AGMO: variants seen among roughly 807,000 people sequenced by gnomAD.
AGMO encodes the protein glyceryl-ether monooxygenase.
Under a neutral mutation model 60.2 loss-of-function variants are expected in AGMO, and 75 were observed. The ratio of observed to expected loss-of-function variants is 1.25; its 90% CI spans 1.03 to 1.51. AGMO has a LOEUF of 1.51. Among genes scored for constraint, AGMO ranks in the 40% most tolerant of loss-of-function variants. The pLI, the probability that AGMO is intolerant of heterozygous loss-of-function variation, is 0.00. For synonymous variants in AGMO, 261 were observed against 177.1 expected (o/e 1.47, Z -3.76); for missense variants, 763 against 525.5 (o/e 1.45, Z -4.42).
At chr7:15,266,716 T>C (rs75722224) in intron 12 of AGMO, among the ~76,000 whole-genome samples, 2 of 151,858 alleles carry the variant, frequency 1.3e-5, no homozygotes, top group East Asian at 3.9e-4. Context: ...CTCACTGATA[T>C]AAACATTACA....
the AGMO span, among the ~76,000 whole-genome samples, chr7:15,183,710 G>A: frequency 2.0e-5 from 3 of 152,182 alleles, no homozygotes; most frequent in Non-Finnish European, 4.4e-5. Context: ...GATTCAATGA[G>A]TTAAGACACA....
chr7:15,553,160 G>A (rs1307631397), intron 2 of AGMO, among the ~76,000 whole-genome samples: 1 of 150,742 alleles, frequency 6.6e-6, no homozygotes, highest in East Asian at 2.0e-4. Context: ...ATCACACTCT[G>A]GGGACTGTTG....
chr7:15,382,810 T>TA (rs1311042004), intron 10 of AGMO, among the ~76,000 whole-genome samples: 1 of 151,960 alleles, frequency 6.6e-6, no homozygotes, highest in East Asian at 1.9e-4. Flanking sequence ...ATAGATATCT[T>TA]AATTAAGATG....
chr7:15,525,135 A>C (rs921919808), intron 3 of AGMO, among the ~76,000 whole-genome samples: 4 of 152,096 alleles, frequency 2.6e-5, no homozygotes, highest in African/African-American at 9.7e-5. Context: ...GCAACTGAGA[A>C]GCTTTTATGT....
chr7:15,513,845 C>G (rs1783740772), intron 3 of AGMO, among the ~76,000 whole-genome samples: 1 of 152,146 alleles, frequency 6.6e-6, no homozygotes, highest in African/African-American at 2.4e-5. Flanking sequence ...CCTTGAAACA[C>G]TTTCTTCACT....
chr7:15,418,082 A>C (rs939298066), intron 5 of AGMO, among the ~76,000 whole-genome samples: 1 of 152,126 alleles, frequency 6.6e-6, no homozygotes, highest in Admixed American at 6.6e-5. Context: ...AACAATTTTA[A>C]ATAAAATTTA....
At chr7:15,168,853 C>G in the AGMO span, among the ~76,000 whole-genome samples, 2 of 152,154 alleles carry the variant, frequency 1.3e-5, no homozygotes, top group Non-Finnish European at 2.9e-5. Flanking sequence ...ATTGGTGATG[C>G]CTTCGTTGCA....
chr7:15,352,110 G>T (rs777352246), intron 12 of AGMO, among the ~76,000 whole-genome samples: 3 of 152,158 alleles, frequency 2.0e-5, no homozygotes, highest in South Asian at 4.1e-4. Flanking sequence ...TTAAGCTATA[G>T]CAAGAAGACC....
At position 15,385,544 on chromosome 7, in the gene AGMO, G is replaced by T; in HGVS notation, c.976C>A (p.Pro326Thr). ...EIPEVTGKEV[P>T]FSSSSSQLLK... ...AGCTGAGATGAAGATGATGAGAAGG[G>T]AACTTCTTTGCCGGTGACCTAGGGA... is the stretch of plus-strand genomic sequence containing the variant. Residue 326 changes from proline to threonine, a missense_variant, in exon 10 of 13, where the codon CCC becomes ACC. Pro to Thr is a conservative substitution (Grantham distance 38). Coordinates refer to ENST00000342526, the MANE Select transcript of AGMO (RefSeq NM_001004320.2). The T allele has an allele frequency of 3.7e-6, 6 of 1,609,202 alleles. No individual in the cohort carries two copies. Among genetic ancestry groups the T allele is most frequent in the Non-Finnish European group, 5.1e-6 (6 of 1,175,958 alleles).
At chr7:15,218,662 T>A (rs1781821433) in intron 12 of AGMO, among the ~76,000 whole-genome samples, 2 of 152,194 alleles carry the variant, frequency 1.3e-5, no homozygotes, top group African/African-American at 4.8e-5. Context: ...TACTTATTAA[T>A]TTAAAAAAAG....
intron 12 of AGMO, chr7:15,358,111 T>G (rs1782609544): frequency 5.8e-6 from 1 of 171,902 alleles, no homozygotes; most frequent in African/African-American, 2.4e-5. Flanking sequence ...ATGCATCCCT[T>G]GCATTTTGAA....
intron 12 of AGMO, among the ~76,000 whole-genome samples, chr7:15,202,940 T>C (rs1385341835): frequency 6.6e-6 from 1 of 152,146 alleles, no homozygotes; most frequent in African/African-American, 2.4e-5. Context: ...AAGATAGCTT[T>C]TCAAGTGAGA....
At chr7:15,368,560 G>C (rs1783076110) in intron 10 of AGMO, among the ~76,000 whole-genome samples, 1 of 152,070 alleles carries the variant, frequency 6.6e-6, no homozygotes, top group South Asian at 2.1e-4. Context: ...TGGTACATTT[G>C]AAATAAAATA....
At chr7:15,145,029 C>T in the AGMO span, among the ~76,000 whole-genome samples, 1 of 152,208 alleles carries the variant, frequency 6.6e-6, no homozygotes, top group Admixed American at 6.5e-5. Flanking sequence ...GGGGTTTCAC[C>T]GTGTTAGCCA....
intron 8 of AGMO, among the ~76,000 whole-genome samples, chr7:15,388,652 A>C (rs1228956398): frequency 2.0e-5 from 3 of 152,212 alleles, no homozygotes; most frequent in Non-Finnish European, 4.4e-5. Flanking sequence ...TCAATGATTT[A>C]CGCCTAATAA....
At chr7:15,446,471 C>A (rs1251984028) in intron 3 of AGMO, among the ~76,000 whole-genome samples, 1 of 152,160 alleles carries the variant, frequency 6.6e-6, no homozygotes, top group Non-Finnish European at 1.5e-5. Context: ...ACATTTGACG[C>A]TGCACACCAT....
chr7:15,272,829 TA>T, intron 12 of AGMO, among the ~76,000 whole-genome samples: 1 of 152,336 alleles, frequency 6.6e-6, no homozygotes, highest in South Asian at 2.1e-4. Context: ...ATCGCCATTC[TA>T]ACTGGTGTGA....
At chr7:15,494,977 C>T (rs994907443) in intron 3 of AGMO, among the ~76,000 whole-genome samples, 3 of 152,170 alleles carry the variant, frequency 2.0e-5, no homozygotes, top group Non-Finnish European at 2.9e-5. Flanking sequence ...AGGCAGCTGC[C>T]ATAATTGTAA....
chr7:15,465,598 T>C (rs1782262892), intron 3 of AGMO, among the ~76,000 whole-genome samples: 2 of 147,276 alleles, frequency 1.4e-5, no homozygotes, highest in African/African-American at 4.9e-5. Flanking sequence ...ATTATATATA[T>C]ATATTTATAT....
Sources: gnomAD v4.1 joint callset for allele counts (sites outside exome capture counted in the v4.1 genomes callset) on GRCh38, gnomAD v4.1.1 for gene constraint, MANE v1.5 for transcripts, NCBI Gene and HGNC (gene_info 2026-07-23, HGNC 2026-07-21) for gene names.